Variants in ARK2C observed in about 807,000 individuals in gnomAD.
The protein encoded by ARK2C is E3 ubiquitin-protein ligase ARK2C.
the ARK2C span, among the ~76,000 whole-genome samples, chr18:46,419,524 G>T: frequency 1.3e-5 from 2 of 152,214 alleles, no homozygotes; most frequent in South Asian, 2.1e-4. Context: ...TCCTCTAGGG[G>T]AGCAGGCACA....
At chr18:46,391,765 C>T in the ARK2C span, among the ~76,000 whole-genome samples, 1 of 151,726 alleles carries the variant, frequency 6.6e-6, no homozygotes, top group East Asian at 1.9e-4. Context: ...CACACACACG[C>T]ACACACACAC....
At chr18:46,415,455 G>A in the ARK2C span, among the ~76,000 whole-genome samples, 1 of 151,980 alleles carries the variant, frequency 6.6e-6, no homozygotes, top group Non-Finnish European at 1.5e-5. Context: ...GGACCTGGGA[G>A]GTAGAGCTTG....
At chr18:46,447,871 C>A in the ARK2C span, among the ~76,000 whole-genome samples, 3 of 146,300 alleles carry the variant, frequency 2.1e-5, no homozygotes, top group Admixed American at 6.8e-5. Context: ...GCCCTGACTC[C>A]CTTGTGCCCT....
At chr18:46,460,186 G>T in the ARK2C span, 1 of 152,610 alleles carries the variant, frequency 6.6e-6, no homozygotes, top group African/African-American at 2.4e-5. Flanking sequence ...TTTTTCAATG[G>T]TGAAGAAAAA....
the ARK2C span, among the ~76,000 whole-genome samples, chr18:46,436,774 C>G: frequency 3.9e-4 from 59 of 152,304 alleles, no homozygotes; most frequent in East Asian, 0.011. Context: ...TTCTGCCCAG[C>G]CTTTTCCAAT....
the ARK2C span, among the ~76,000 whole-genome samples, chr18:46,412,928 C>T: frequency 6.6e-6 from 1 of 152,184 alleles, no homozygotes; most frequent in African/African-American, 2.4e-5. Context: ...GACTAGGACC[C>T]TCAAAATCCC....
At chr18:46,456,024 C>T in the ARK2C span, 1 of 1,613,544 alleles carries the variant, frequency 6.2e-7, no homozygotes, top group Non-Finnish European at 8.5e-7. Flanking sequence ...AGGAGTCAGA[C>T]ACAGATGAGA....
At chr18:46,351,275 C>T in the ARK2C span, among the ~76,000 whole-genome samples, 1 of 152,116 alleles carries the variant, frequency 6.6e-6, no homozygotes, top group African/African-American at 2.4e-5. Flanking sequence ...GAGTGGAGCT[C>T]GGGACTTCCC....
the ARK2C span, chr18:46,447,783 C>A: frequency 6.9e-7 from 1 of 1,459,370 alleles, no homozygotes; most frequent in Non-Finnish European, 9.6e-7. Context: ...TGCTACATGG[C>A]CTGGCTCCCC....
the ARK2C span, chr18:46,335,779 A>G: frequency 2.0e-6 from 1 of 493,860 alleles, no homozygotes; most frequent in Non-Finnish European, 2.6e-6. Flanking sequence ...CCCAGAACCT[A>G]AAAGGCAAGC....
the ARK2C span, chr18:46,433,378 C>T: frequency 6.2e-7 from 1 of 1,613,394 alleles, no homozygotes; most frequent in Non-Finnish European, 8.5e-7. Context: ...GTCGCTGACC[C>T]CGCTGCCCAC....
the ARK2C span, among the ~76,000 whole-genome samples, chr18:46,381,028 A>T: frequency 6.6e-6 from 1 of 152,194 alleles, no homozygotes; most frequent in African/African-American, 2.4e-5. Flanking sequence ...TCCTCTGGCC[A>T]TGTGTGGGAG....
At chr18:46,395,573 C>T in the ARK2C span, among the ~76,000 whole-genome samples, 3 of 152,210 alleles carry the variant, frequency 2.0e-5, no homozygotes, top group Admixed American at 2.0e-4. Flanking sequence ...TACTAAGTAA[C>T]TCATCTACAG....
At chr18:46,398,141 G>A in the ARK2C span, among the ~76,000 whole-genome samples, 1 of 150,056 alleles carries the variant, frequency 6.7e-6, no homozygotes, top group African/African-American at 2.5e-5. Flanking sequence ...GAAGGTGTGT[G>A]TGTGGCCATG....
the ARK2C span, among the ~76,000 whole-genome samples, chr18:46,355,490 G>A: frequency 2.0e-5 from 3 of 152,150 alleles, no homozygotes; most frequent in African/African-American, 7.2e-5. Flanking sequence ...GGACAGAAGT[G>A]CCCCAGTCTA....
the ARK2C span, chr18:46,337,359 G>A: frequency 1.0e-6 from 1 of 985,198 alleles, no homozygotes; most frequent in Non-Finnish European, 1.2e-6. Flanking sequence ...TTTTGGTTGT[G>A]TATCTTTTTC....
chr18:46,370,464 G>C, the ARK2C span, among the ~76,000 whole-genome samples: 1 of 152,190 alleles, frequency 6.6e-6, no homozygotes, highest in Non-Finnish European at 1.5e-5. Context: ...GGTTTAGGGG[G>C]ACCCTGCTCC....
chr18:46,398,700 C>T, the ARK2C span, among the ~76,000 whole-genome samples: 1 of 151,980 alleles, frequency 6.6e-6, no homozygotes, highest in African/African-American at 2.4e-5. Flanking sequence ...GCCCCACAGG[C>T]TCTGTAAGAC....
At chr18:46,445,119 A>G in the ARK2C span, among the ~76,000 whole-genome samples, 1 of 152,236 alleles carries the variant, frequency 6.6e-6, no homozygotes, top group South Asian at 2.1e-4. Flanking sequence ...GATGAACATC[A>G]TTTATGAATA....
Sources: gnomAD v4.1 joint callset for allele counts (sites outside exome capture counted in the v4.1 genomes callset) on GRCh38, gnomAD v4.1.1 for gene constraint, MANE v1.5 for transcripts, NCBI Gene and HGNC (gene_info 2026-07-23, HGNC 2026-07-21) for gene names.